The following ZNF578 variants were observed in gnomAD, a reference collection of about 807,000 sequenced individuals.
ZNF578 encodes Putative chemokine-related protein B42.
ZNF578 carries 8 observed loss-of-function variants against 8.3 expected under a neutral mutation model. The ratio of observed to expected loss-of-function variants is 0.96; its 90% CI spans 0.56 to 1.74. The LOEUF (loss-of-function observed/expected upper bound fraction) is 1.74, where lower values mean the gene tolerates loss of function less well. ZNF578 is among the 40% of genes most tolerant of loss of function. ZNF578 has a pLI of 0.00. For missense variants in ZNF578, 726 were observed against 707.5 expected, an observed-to-expected ratio of 1.03 and a Z score of -0.30; for synonymous variants, 206 against 232.2, an observed-to-expected ratio of 0.89 and a Z score of 1.03.
At chr19:52,454,982 T>G (rs1345804507) in intron 1 of ZNF578, 1 of 152,170 alleles carries the variant, frequency 6.6e-6, no homozygotes, top group African/African-American at 2.4e-5. Flanking sequence ...ACAGGCTCAC[T>G]TACCTGTCTC....
chr19:52,507,104 C>A (rs1368846262), intron 5 of ZNF578, among the ~76,000 whole-genome samples: 1 of 152,088 alleles, frequency 6.6e-6, no homozygotes, highest in Non-Finnish European at 1.5e-5. Flanking sequence ...TTAAAAAAAA[C>A]TGGATGGTCG....
chr19:52,505,715 C>T (rs564210877), intron 5 of ZNF578, among the ~76,000 whole-genome samples: 1 of 152,250 alleles, frequency 6.6e-6, no homozygotes, highest in South Asian at 2.1e-4. Context: ...TGAGCCACTG[C>T]GCCTGGCCCA....
Position 52,512,174 on chromosome 19 carries a change from C to G in ZNF578, c.*20C>G, listed in dbSNP as rs750651808. ...TCATAGACTTCATACTGGAGAGAAACCTTACAAATGTGAAGCATGTGACAA... is the reference window on the plus strand; with the variant it reads ...TCATAGACTTCATACTGGAGAGAAAGCTTACAAATGTGAAGCATGTGACAA... On this transcript the variant is annotated 3_prime_UTR_variant, in exon 6 of 6. Transcript: ENST00000421239. 3.1e-6 allele frequency: 5 copies of G among 1,613,526 alleles called. No homozygotes were observed. The East Asian group carries it at 6.7e-5, about 22-fold the overall frequency.
chr19:52,482,012 G>T (rs1034410813), intron 2 of ZNF578, among the ~76,000 whole-genome samples: 4 of 152,024 alleles, frequency 2.6e-5, no homozygotes, highest in Admixed American at 2.0e-4. Flanking sequence ...GTATTACAGG[G>T]ATGAGCCACC....
chr19:52,510,827 A>T lies in ZNF578; in HGVS notation c.446A>T (p.Asn149Ile). 1 of 1,614,202 alleles carries T rather than the reference A, an allele frequency of 6.2e-7. No homozygotes were observed. The highest frequency in any genetic ancestry group is 8.5e-7 in the Non-Finnish European group (1 of 1,180,024). Residue 149 changes from asparagine (N) to isoleucine (I), a missense_variant, in exon 6 of 6, where the codon AAC becomes ATC. By Grantham distance (149) the Asn-to-Ile change is moderately radical. Transcript: ENST00000421239. ...TDRHDQRHAGNKPIKDQLGLS... is the reference protein window; with the variant it reads ...TDRHDQRHAGIKPIKDQLGLS... ...CGACATGATCAAAGGCATGCTGGAA[A>T]CAAGCCTATTAAAGATCAGCTTGGA...
intron 3 of ZNF578, among the ~76,000 whole-genome samples, chr19:52,496,862 C>G (rs1049357927): frequency 1.3e-5 from 2 of 151,806 alleles, no homozygotes; most frequent in African/African-American, 4.8e-5. Flanking sequence ...GTCTTGAACA[C>G]CTGACCTCAG....
intron 2 of ZNF578, among the ~76,000 whole-genome samples, chr19:52,465,071 T>C (rs1450800102): frequency 1.3e-5 from 2 of 152,168 alleles, no homozygotes; most frequent in Admixed American, 1.3e-4. Context: ...CCAAGGAAAG[T>C]GGGTGAAACA....
At chr19:52,490,151 T>C (rs1200380043) in intron 2 of ZNF578, among the ~76,000 whole-genome samples, 1 of 152,218 alleles carries the variant, frequency 6.6e-6, no homozygotes, top group Non-Finnish European at 1.5e-5. Flanking sequence ...CCAGTACACA[T>C]TCTATGTCTT....
intron 2 of ZNF578, among the ~76,000 whole-genome samples, chr19:52,477,207 T>G (rs1599890254): frequency 6.6e-6 from 1 of 152,200 alleles, no homozygotes; most frequent in East Asian, 1.9e-4. Flanking sequence ...TTTGGTAGGT[T>G]TGTCTCCTCC....
rs183496192 is a variant in ZNF578, at chr19:52,459,808, C to A, written c.-122+2850C>A. Among the ~76,000 whole-genome samples the A allele has an allele frequency of 9.2e-4, 87 of 94,068 alleles. 1 individual carries two copies. The highest frequency in any genetic ancestry group is 0.012 in the Middle Eastern group (1 of 86). The allele number at this position is 94,068 out of a possible 152,430, so 61.7% of individuals were successfully genotyped here. A position where few individuals can be genotyped will look rare whatever the true frequency, so the allele number is the denominator to read the frequency against. On this transcript the variant is annotated intron_variant, in intron 2 of 5. Transcript: ENST00000421239. ...TTTTTTTTTTTGAGATGGAGTCTTA[C>A]TCTGTCACCAGGCTGGAGTGCAGTG...
chr19:52,503,050 C>T lies in ZNF578; in HGVS notation c.63+1142C>T, dbSNP rs376153706. On this transcript the variant is annotated intron_variant, in intron 4 of 5. Transcript: ENST00000421239. ...TGGGACTACAGGATGCACCACCACACCCAGCTAGTTTTTGTACTTTTAGTT... is the reference window on the plus strand; with the variant it reads ...TGGGACTACAGGATGCACCACCACATCCAGCTAGTTTTTGTACTTTTAGTT... Among the ~76,000 whole-genome samples the T allele has an allele frequency of 5.9e-5, 9 of 152,176 alleles. No homozygotes were observed. In the East Asian group the frequency reaches 7.7e-4, roughly 13 times the overall value.
chr19:52,489,641 C>T (rs888156711), intron 2 of ZNF578, among the ~76,000 whole-genome samples: 4 of 151,566 alleles, frequency 2.6e-5, no homozygotes, highest in Admixed American at 2.0e-4. Flanking sequence ...CTCCTATTCA[C>T]GTATAGTCAA....
intron 2 of ZNF578, among the ~76,000 whole-genome samples, chr19:52,459,792 T>TTTTTG (rs2059252081): frequency 8.5e-6 from 1 of 117,902 alleles, no homozygotes; most frequent in African/African-American, 3.3e-5. Flanking sequence ...TTTTTTTTTT[T>TTTTTG]TGAGATGGAG....
rs564139852 is a variant in ZNF578 at position 52,513,497 on chromosome 19, A to G, written c.*1343A>G. Among the ~76,000 whole-genome samples the G allele has an allele frequency of 2.0e-5, 3 of 151,796 alleles. No individual in the cohort carries two copies. Among genetic ancestry groups the G allele is most frequent in the Non-Finnish European group, 4.4e-5 (3 of 67,964 alleles). On this transcript the variant is annotated 3_prime_UTR_variant, in exon 6 of 6. Coordinates refer to ENST00000421239, the MANE Select transcript of ZNF578 (RefSeq NM_001099694.2). ...GGTAATCCCAGCACTTTGGGAGGCCAAGGCAGGCAGATAACAAAGTCAGGA... is the reference window on the plus strand; with the variant it reads ...GGTAATCCCAGCACTTTGGGAGGCCGAGGCAGGCAGATAACAAAGTCAGGA...
chr19:52,476,502 T>A (rs1673907), intron 2 of ZNF578, among the ~76,000 whole-genome samples: 15,661 of 152,168 alleles, frequency 0.1, 1,393 homozygotes, highest in East Asian at 0.33. Context: ...TTTTCCAGTT[T>A]CTCATATCGG....
At chr19:52,495,659 A>G (rs930462813) in intron 3 of ZNF578, among the ~76,000 whole-genome samples, 1 of 151,096 alleles carries the variant, frequency 6.6e-6, no homozygotes, top group African/African-American at 2.4e-5. Context: ...AAGTGATGAC[A>G]CGTTGTTTTC....
chr19:52,492,849 G>C (rs2059370994), intron 3 of ZNF578: 1 of 152,358 alleles, frequency 6.6e-6, no homozygotes, highest in African/African-American at 2.4e-5. Context: ...TGGAGTGAAG[G>C]TCCTACCGCG....
intron 2 of ZNF578, among the ~76,000 whole-genome samples, chr19:52,465,254 G>C (rs1273324501): frequency 6.6e-6 from 1 of 152,154 alleles, no homozygotes; most frequent in African/African-American, 2.4e-5. Flanking sequence ...CCGAGTCTCG[G>C]TGAGCCGAGT....
intron 3 of ZNF578, among the ~76,000 whole-genome samples, chr19:52,492,326 C>G (rs2059368508): frequency 6.6e-6 from 1 of 152,146 alleles, no homozygotes; most frequent in East Asian, 1.9e-4. Flanking sequence ...CCGCCTCGTG[C>G]CCGCATCCCT....
Sources: allele counts gnomAD v4.1 joint callset (sites outside exome capture counted in the v4.1 genomes callset), GRCh38; gene constraint gnomAD v4.1.1; transcripts MANE v1.5; gene names NCBI Gene and HGNC (gene_info 2026-07-23, HGNC 2026-07-21).